IGSF21: variants seen among roughly 807,000 people sequenced by gnomAD.
IGSF21 encodes immunoglobulin superfamily member 21.
A neutral mutation model predicts 46.8 loss-of-function variants in IGSF21; 28 were observed. The observed-to-expected ratio is 0.60, with a 90% CI of 0.44 to 0.82. The LOEUF is 0.82. Among genes scored for constraint, IGSF21 ranks in the 40% least tolerant of loss-of-function variants. The pLI, the probability that IGSF21 is intolerant of heterozygous loss-of-function variation, is 0.00. For synonymous variants in IGSF21, 284 were observed against 273.6 expected, an observed-to-expected ratio of 1.04 and a Z score of -0.38; for missense variants, 624 against 665.5, an observed-to-expected ratio of 0.94 and a Z score of 0.69.
intron 4 of IGSF21, among the ~76,000 whole-genome samples, chr1:18,356,466 G>T (rs1569866800): frequency 6.6e-6 from 1 of 152,184 alleles, no homozygotes; most frequent in African/African-American, 2.4e-5. Context: ...TTGCCACCTG[G>T]ATCTCCTGTG....
intron 1 of IGSF21, among the ~76,000 whole-genome samples, chr1:18,152,246 G>A (rs1397715487): frequency 6.6e-6 from 1 of 152,222 alleles, no homozygotes; most frequent in Non-Finnish European, 1.5e-5. Flanking sequence ...TGTCAAATGA[G>A]AAAGGGTGAT....
intron 2 of IGSF21, among the ~76,000 whole-genome samples, chr1:18,246,478 T>C (rs2084784894): frequency 6.6e-6 from 1 of 152,126 alleles, no homozygotes; most frequent in Non-Finnish European, 1.5e-5. Flanking sequence ...AGCTTAGGAC[T>C]CCAACCTCCA....
At chr1:18,253,463 T>C (rs2084861724) in intron 2 of IGSF21, among the ~76,000 whole-genome samples, 1 of 152,202 alleles carries the variant, frequency 6.6e-6, no homozygotes, top group South Asian at 2.1e-4. Flanking sequence ...ATGGGCCCCT[T>C]CGTTGCTCCT....
intron 1 of IGSF21, among the ~76,000 whole-genome samples, chr1:18,208,044 A>G (rs2084349685): frequency 6.6e-6 from 1 of 151,928 alleles, no homozygotes; most frequent in Non-Finnish European, 1.5e-5. Flanking sequence ...TGGGAGAGAG[A>G]TAGGAATTAA....
At chr1:18,154,413 T>C (rs1570274321) in intron 1 of IGSF21, among the ~76,000 whole-genome samples, 1 of 152,014 alleles carries the variant, frequency 6.6e-6, no homozygotes, top group East Asian at 1.9e-4. Context: ...GTCTTCAGAC[T>C]CAGTAAAGGA....
intron 1 of IGSF21, among the ~76,000 whole-genome samples, chr1:18,194,090 G>A (rs2086984578): frequency 6.6e-6 from 1 of 152,150 alleles, no homozygotes; most frequent in African/African-American, 2.4e-5. Flanking sequence ...AGTGAATTTA[G>A]GATAATAGGA....
intron 1 of IGSF21, chr1:18,115,915 G>T (rs1557543567): frequency 6.9e-6 from 1 of 145,692 alleles, no homozygotes; most frequent in Non-Finnish European, 1.5e-5. Flanking sequence ...GAGAGGGAGG[G>T]AGGGAGGGAG....
intron 3 of IGSF21, among the ~76,000 whole-genome samples, chr1:18,314,519 A>G (rs1231422036): frequency 1.3e-5 from 2 of 152,190 alleles, no homozygotes; most frequent in African/African-American, 4.8e-5. Context: ...GCCCTCTGCT[A>G]CGGCCTCTAC....
At chr1:18,133,942 A>G (rs1388124571) in intron 1 of IGSF21, among the ~76,000 whole-genome samples, 6 of 152,242 alleles carry the variant, frequency 3.9e-5, no homozygotes, top group African/African-American at 7.2e-5. Flanking sequence ...AAGAATATTT[A>G]CTTTGCAGGG....
chr1:18,286,442 G>A (rs2085212588), intron 2 of IGSF21, among the ~76,000 whole-genome samples: 1 of 152,232 alleles, frequency 6.6e-6, no homozygotes, highest in South Asian at 2.1e-4. Context: ...CTCAGCCTGT[G>A]TAGGCACTGG....
chr1:18,372,632 A>AGATGGATGGATGGATG (rs779856968), intron 6 of IGSF21, among the ~76,000 whole-genome samples: 29,089 of 134,534 alleles, frequency 0.22, 2,986 homozygotes, highest in Admixed American at 0.27. Context: ...ATGGATGGAT[A>AGATGGATGGATGGATG]GATGGATGGA....
intron 1 of IGSF21, among the ~76,000 whole-genome samples, chr1:18,139,762 CTG>C (rs1206802485): frequency 6.6e-6 from 1 of 151,916 alleles, no homozygotes; most frequent in Non-Finnish European, 1.5e-5. Context: ...GCTGTACTCT[CTG>C]TATTTCTCTC....
At chr1:18,258,329 G>A (rs1054121328) in intron 2 of IGSF21, among the ~76,000 whole-genome samples, 2 of 152,198 alleles carry the variant, frequency 1.3e-5, no homozygotes, top group Non-Finnish European at 2.9e-5. Flanking sequence ...ACTGATTAAG[G>A]AGCAGAATGT....
At chr1:18,153,587 C>G (rs1417764681) in intron 1 of IGSF21, among the ~76,000 whole-genome samples, 1 of 152,162 alleles carries the variant, frequency 6.6e-6, no homozygotes, top group South Asian at 2.1e-4. Flanking sequence ...AACCAGGTGC[C>G]GAAGGTGAAT....
At chr1:18,325,708 C>A (rs1056389466) in intron 3 of IGSF21, among the ~76,000 whole-genome samples, 2 of 152,114 alleles carry the variant, frequency 1.3e-5, no homozygotes, top group Admixed American at 6.5e-5. Context: ...CTGTAAGGGA[C>A]CCCACCCCAC....
chr1:18,256,366 C>T (rs1335901307), intron 2 of IGSF21, among the ~76,000 whole-genome samples: 1 of 152,204 alleles, frequency 6.6e-6, no homozygotes, highest in Non-Finnish European at 1.5e-5. Flanking sequence ...TAATTGTTTG[C>T]TTTCACTGCT....
At chr1:18,187,132 G>C (rs529562816) in intron 1 of IGSF21, among the ~76,000 whole-genome samples, 1 of 151,994 alleles carries the variant, frequency 6.6e-6, no homozygotes, top group African/African-American at 2.4e-5. Context: ...ATCAGATGGC[G>C]GAAGATTTGG....
intron 2 of IGSF21, among the ~76,000 whole-genome samples, chr1:18,245,659 T>C (rs924613967): frequency 8.5e-5 from 13 of 152,224 alleles, no homozygotes; most frequent in African/African-American, 3.1e-4. Context: ...TATTTTTAGA[T>C]CTATTGCATT....
intron 1 of IGSF21, among the ~76,000 whole-genome samples, chr1:18,188,894 C>T (rs892138293): frequency 3.9e-5 from 6 of 152,242 alleles, no homozygotes; most frequent in African/African-American, 4.8e-5. Context: ...TTGGCCCAGC[C>T]GATGCCACTC....
Sources: gnomAD v4.1 joint callset for allele counts (sites outside exome capture counted in the v4.1 genomes callset) on GRCh38, gnomAD v4.1.1 for gene constraint, MANE v1.5 for transcripts, NCBI Gene and HGNC (gene_info 2026-07-23, HGNC 2026-07-21) for gene names.